NR6A1: variants seen among roughly 807,000 people sequenced by gnomAD.
NR6A1 encodes the protein nuclear receptor subfamily 6 group A member 1.
A neutral mutation model predicts 59.1 loss-of-function variants in NR6A1; 7 were observed. The observed-to-expected ratio is 0.12, with a 90% CI of 0.07 to 0.22. NR6A1 has a LOEUF of 0.22. Among genes scored for constraint, NR6A1 ranks in the 10% least tolerant of loss-of-function variants. The pLI is 1.00. For synonymous variants in NR6A1, 243 were observed against 236.1 expected, an observed-to-expected ratio of 1.03 and a Z score of -0.27; for missense variants, 468 against 611.6, an observed-to-expected ratio of 0.77 and a Z score of 2.48.
At chr9:124,524,649 C>A (rs991013327) in intron 9 of NR6A1, 72 bp downstream of exon 9, 2 of 1,553,422 alleles carry the variant, frequency 1.3e-6, no homozygotes, top group Non-Finnish European at 8.8e-7. Context: ...CCTGAAAACA[C>A]TGCTTGCCTC....
At chr9:124,706,997 G>A (rs970582823) in intron 2 of NR6A1, among the ~76,000 whole-genome samples, 9 of 152,012 alleles carry the variant, frequency 5.9e-5, no homozygotes, top group African/African-American at 2.2e-4. Flanking sequence ...TGACTCTGAT[G>A]TGTGTTTATC....
At chr9:124,727,750 T>C (rs1037917461) in intron 2 of NR6A1, among the ~76,000 whole-genome samples, 2 of 152,216 alleles carry the variant, frequency 1.3e-5, no homozygotes, top group Non-Finnish European at 2.9e-5. Flanking sequence ...AGTGGCACGA[T>C]CTTGGTTCAC....
At chr9:124,537,626 T>C (rs1275133475) in intron 6 of NR6A1, among the ~76,000 whole-genome samples, 1 of 152,124 alleles carries the variant, frequency 6.6e-6, no homozygotes, top group Non-Finnish European at 1.5e-5. Context: ...ACTGAAAGAA[T>C]ACTCCTTCTA....
chr9:124,766,156 C>T lies in NR6A1; in HGVS notation c.100+4864G>A, dbSNP rs150417531. Among the ~76,000 whole-genome samples, 1,103 of 152,324 alleles carry T rather than the reference C, an allele frequency of 7.2e-3. 16 individuals carry two copies. The highest frequency in any genetic ancestry group is 0.025 in the African/African-American group (1,046 of 41,578). Reference sequence around the variant, plus strand: ...TCAATACCCAAGAAAGAATTACCTGCTCAGTACCAAACCACTTTCTTGCTC... The same window carrying T: ...TCAATACCCAAGAAAGAATTACCTGTTCAGTACCAAACCACTTTCTTGCTC... On this transcript the variant is annotated intron_variant, in intron 1 of 9. Coordinates refer to ENST00000487099, the MANE Select transcript of NR6A1 (RefSeq NM_033334.4).
At chr9:124,690,489 A>G (rs1838501831) in intron 2 of NR6A1, among the ~76,000 whole-genome samples, 1 of 152,166 alleles carries the variant, frequency 6.6e-6, no homozygotes, top group Non-Finnish European at 1.5e-5. Flanking sequence ...CTCAAAACCA[A>G]TCTAAATCAA....
chr9:124,745,257 G>A (rs1262192723), intron 1 of NR6A1, among the ~76,000 whole-genome samples: 1 of 148,840 alleles, frequency 6.7e-6, no homozygotes, highest in Non-Finnish European at 1.5e-5. Flanking sequence ...ATATATACAT[G>A]AAAAAAAAAA....
intron 2 of NR6A1, 58 bp from the exon 3 acceptor site, chr9:124,554,628 A>G: frequency 6.2e-7 from 1 of 1,607,790 alleles, no homozygotes; most frequent in Non-Finnish European, 8.5e-7. Context: ...TACAGTTCCT[A>G]AAGTGAGCAA....
chr9:124,711,996 C>A (rs987575809), intron 2 of NR6A1, among the ~76,000 whole-genome samples: 1 of 152,286 alleles, frequency 6.6e-6, no homozygotes, highest in South Asian at 2.1e-4. Flanking sequence ...CCTAGCTGTA[C>A]CAGAAAATCT....
intron 2 of NR6A1, among the ~76,000 whole-genome samples, chr9:124,693,220 A>C (rs774075516): frequency 6.6e-6 from 1 of 152,192 alleles, no homozygotes; most frequent in African/African-American, 2.4e-5. Flanking sequence ...GTTTTCTCAC[A>C]TATAAAACAG....
chr9:124,682,739 A>G (rs1454256399), intron 2 of NR6A1, among the ~76,000 whole-genome samples: 1 of 152,224 alleles, frequency 6.6e-6, no homozygotes, highest in Non-Finnish European at 1.5e-5. Flanking sequence ...AATGATTTTT[A>G]TGAATGTAAG....
chr9:124,601,445 G>A (rs1332881633), intron 2 of NR6A1, among the ~76,000 whole-genome samples: 7 of 150,990 alleles, frequency 4.6e-5, no homozygotes, highest in East Asian at 2.0e-4. Context: ...TTAGCCGGGC[G>A]TCATGGCGGG....
chr9:124,564,711 A>G (rs1051305762), intron 2 of NR6A1, among the ~76,000 whole-genome samples: 2 of 147,632 alleles, frequency 1.4e-5, no homozygotes, highest in African/African-American at 5.3e-5. Context: ...GTGTGTGTGT[A>G]TAACTTGACA....
intron 2 of NR6A1, among the ~76,000 whole-genome samples, chr9:124,645,938 A>G (rs533369567): frequency 7.9e-5 from 12 of 152,352 alleles, no homozygotes; most frequent in Admixed American, 1.3e-4. Flanking sequence ...TCAGACCACA[A>G]TGGAATTAAA....
intron 2 of NR6A1, among the ~76,000 whole-genome samples, chr9:124,653,890 A>G (rs1456511868): frequency 1.1e-4 from 16 of 152,352 alleles, no homozygotes; most frequent in Middle Eastern, 3.4e-3. Flanking sequence ...ATTATTAACC[A>G]AACAGTCAGC....
chr9:124,625,550 G>T (rs1437284248), intron 2 of NR6A1, among the ~76,000 whole-genome samples: 1 of 152,078 alleles, frequency 6.6e-6, no homozygotes, highest in Non-Finnish European at 1.5e-5. Flanking sequence ...TTATTAAGAG[G>T]CATAAAATGA....
intron 1 of NR6A1, among the ~76,000 whole-genome samples, chr9:124,754,958 C>CA (rs1203718829): frequency 1.3e-5 from 2 of 151,982 alleles, no homozygotes; most frequent in Non-Finnish European, 2.9e-5. Context: ...ACTCAACTGT[C>CA]AAAAAAATAC....
At chr9:124,769,366 C>G (rs528065960) in intron 1 of NR6A1, among the ~76,000 whole-genome samples, 37 of 152,162 alleles carry the variant, frequency 2.4e-4, no homozygotes, top group Middle Eastern at 3.4e-3. Context: ...GTAAAAAACA[C>G]CAGATCTCCT....
At chr9:124,600,363 G>A (rs991228782) in intron 2 of NR6A1, among the ~76,000 whole-genome samples, 3 of 152,154 alleles carry the variant, frequency 2.0e-5, no homozygotes, top group Admixed American at 6.5e-5. Flanking sequence ...TGAGAGTGGA[G>A]AAAGAATGAG....
chr9:124,592,188 G>A (rs1190401964), intron 2 of NR6A1, among the ~76,000 whole-genome samples: 1 of 152,084 alleles, frequency 6.6e-6, no homozygotes. Flanking sequence ...CAAAAGCAAT[G>A]GGCCAAAATC....
Sources: allele counts gnomAD v4.1 joint callset (sites outside exome capture counted in the v4.1 genomes callset), GRCh38; gene constraint gnomAD v4.1.1; transcripts MANE v1.5; gene names NCBI Gene and HGNC (gene_info 2026-07-23, HGNC 2026-07-21).